RBFOX1: variants seen among roughly 807,000 people sequenced by gnomAD.
RBFOX1 encodes RNA binding fox-1 homolog 1.
A neutral mutation model predicts 57.7 loss-of-function variants in RBFOX1; 8 were observed. The ratio of observed to expected loss-of-function variants is 0.14; its 90% CI spans 0.08 to 0.25. RBFOX1 has a LOEUF of 0.25. RBFOX1 is among the 10% of genes least tolerant of loss of function. The probability of loss-of-function intolerance (pLI) is 1.00; values close to 1 mark genes in which losing one functional copy is unlikely to be tolerated. For missense variants in RBFOX1, 611 were observed against 548.5 expected (o/e 1.11, Z -1.14); for synonymous variants, 326 against 222.4 (o/e 1.47, Z -4.15).
chr16:6,309,414 G>A (rs909309227), intron 1 of RBFOX1, among the ~76,000 whole-genome samples: 6 of 152,116 alleles, frequency 3.9e-5, no homozygotes, highest in Non-Finnish European at 7.3e-5. Context: ...GATCCGGCGC[G>A]GCCCAGGAAC....
chr16:6,759,114 G>C (rs964805782), intron 3 of RBFOX1, among the ~76,000 whole-genome samples: 1 of 151,198 alleles, frequency 6.6e-6, no homozygotes, highest in South Asian at 2.1e-4. Flanking sequence ...TTGAAATGGA[G>C]TAGAAAAAGT....
chr16:6,188,580 G>C lies in RBFOX1; in HGVS notation c.-126-128415G>C, dbSNP rs149141011. On this transcript the variant is annotated intron_variant, in intron 1 of 15. Transcript: ENST00000550418. ...AACAAAATAACAATCAATATATTTT[G>C]TTTCTGCTTACATTTTCTGCTAACT... 4.8e-4 allele frequency among the ~76,000 whole-genome samples: 73 copies of C among 152,210 alleles called. No homozygotes were observed. In the East Asian group the frequency reaches 0.01, roughly 22 times the overall value.
intron 2 of RBFOX1, among the ~76,000 whole-genome samples, chr16:6,598,453 T>C (rs1448915581): frequency 1.3e-5 from 2 of 152,188 alleles, no homozygotes; most frequent in East Asian, 3.8e-4. Context: ...GTTCTTGTTA[T>C]CTCCCAGTAA....
chr16:5,730,598 A>G (rs1249507314), intron 3 of RBFOX1, among the ~76,000 whole-genome samples: 1 of 152,122 alleles, frequency 6.6e-6, no homozygotes, highest in Non-Finnish European at 1.5e-5. Flanking sequence ...CATCACCAAC[A>G]TCACCACTGC....
At position 6,129,278 on chromosome 16, in the gene RBFOX1, T is replaced by A. The variant is rs1597584654; in HGVS notation, c.-127+109286T>A. On this transcript the variant is annotated intron_variant, in intron 1 of 15. Coordinates refer to ENST00000550418, the MANE Select transcript of RBFOX1 (RefSeq NM_018723.4). The stretch of plus-strand genomic sequence containing the variant: ...TGTTGAAGACTTAAAGAGAAGATTG[T>A]GTTACTTAAATGAATAAACAAGGGA... 7.9e-5 allele frequency among the ~76,000 whole-genome samples: 12 copies of A among 152,236 alleles called. No individual in the cohort carries two copies. In the South Asian group the frequency reaches 2.5e-3, roughly 32 times the overall value.
intron 2 of RBFOX1, among the ~76,000 whole-genome samples, 198 bp downstream of exon 2, chr16:6,317,255 C>T (rs947699752): frequency 2.6e-5 from 4 of 152,110 alleles, no homozygotes; most frequent in African/African-American, 9.7e-5. Flanking sequence ...TTTAGCCCTC[C>T]CTCCCCAATG....
At chr16:6,432,452 A>T (rs111916946) in intron 2 of RBFOX1, among the ~76,000 whole-genome samples, 2 of 151,230 alleles carry the variant, frequency 1.3e-5, no homozygotes, top group African/African-American at 4.9e-5. Context: ...CGGGCGGATC[A>T]CCTGAGGTCA....
intron 2 of RBFOX1, among the ~76,000 whole-genome samples, chr16:6,469,940 C>G (rs1456981932): frequency 6.6e-6 from 1 of 152,194 alleles, no homozygotes; most frequent in Non-Finnish European, 1.5e-5. Context: ...GAACTGCCAT[C>G]TTACTGGTGA....
At chr16:5,394,801 T>C (rs1417256170) in intron 1 of RBFOX1, among the ~76,000 whole-genome samples, 2 of 152,134 alleles carry the variant, frequency 1.3e-5, no homozygotes, top group Non-Finnish European at 2.9e-5. Flanking sequence ...TGCCCCACCT[T>C]GGCTTCCCAA....
intron 2 of RBFOX1, among the ~76,000 whole-genome samples, chr16:6,356,819 A>T (rs946035366): frequency 3.3e-5 from 5 of 152,226 alleles, no homozygotes; most frequent in South Asian, 2.1e-4. Context: ...TCCCCTTCCA[A>T]TCAAAGATGT....
intron 4 of RBFOX1, among the ~76,000 whole-genome samples, chr16:7,418,683 C>T (rs558570868): frequency 1.3e-5 from 2 of 152,228 alleles, no homozygotes; most frequent in East Asian, 1.9e-4. Context: ...CTTACTTTTG[C>T]AAACCTGGAA....
chr16:6,839,837 T>G (rs938161493), intron 3 of RBFOX1, among the ~76,000 whole-genome samples: 1 of 152,254 alleles, frequency 6.6e-6, no homozygotes, highest in Non-Finnish European at 1.5e-5. Context: ...GCTATAATCA[T>G]ACCTCTGTTC....
chr16:5,318,313 G>T (rs192238286), intron 1 of RBFOX1, among the ~76,000 whole-genome samples: 20 of 151,990 alleles, frequency 1.3e-4, no homozygotes, highest in Admixed American at 1.3e-3. Context: ...ATTTTTAGTA[G>T]AAATGGGGTT....
intron 2 of RBFOX1, among the ~76,000 whole-genome samples, chr16:6,370,409 C>G (rs1298820894): frequency 6.7e-6 from 1 of 148,664 alleles, no homozygotes; most frequent in African/African-American, 2.5e-5. Flanking sequence ...CCCTGGACTG[C>G]CCATTGCCGA....
chr16:5,354,611 C>G (rs568443794), intron 1 of RBFOX1, among the ~76,000 whole-genome samples: 1 of 152,260 alleles, frequency 6.6e-6, no homozygotes, highest in Non-Finnish European at 1.5e-5. Context: ...TTTTCCAGGC[C>G]TTGTGCTCTG....
intron 3 of RBFOX1, among the ~76,000 whole-genome samples, chr16:6,707,483 T>G (rs918852098): frequency 2.0e-5 from 3 of 150,820 alleles, no homozygotes; most frequent in Non-Finnish European, 2.9e-5. Context: ...TTTTTGTTTT[T>G]TTTTTTTTTT....
intron 1 of RBFOX1, among the ~76,000 whole-genome samples, chr16:5,252,991 G>C (rs1249783683): frequency 1.3e-5 from 2 of 152,158 alleles, no homozygotes; most frequent in Non-Finnish European, 2.9e-5. Context: ...TGGATCCACC[G>C]CCGGTGTGCC....
intron 4 of RBFOX1, among the ~76,000 whole-genome samples, chr16:5,919,258 A>G (rs540017213): frequency 1.3e-5 from 2 of 152,250 alleles, no homozygotes; most frequent in African/African-American, 2.4e-5. Context: ...GCCCTGTAAC[A>G]TGTTCCAGGT....
At chr16:6,257,418 TC>T (rs2097674837) in intron 1 of RBFOX1, among the ~76,000 whole-genome samples, 6 of 152,028 alleles carry the variant, frequency 3.9e-5, no homozygotes, top group South Asian at 2.1e-4. Flanking sequence ...AATTTCTTCT[TC>T]TTCTTTTTTT....
Sources: gnomAD v4.1 joint callset for allele counts (sites outside exome capture counted in the v4.1 genomes callset) on GRCh38, gnomAD v4.1.1 for gene constraint, MANE v1.5 for transcripts, NCBI Gene and HGNC (gene_info 2026-07-23, HGNC 2026-07-21) for gene names.